Variants in VPS13B observed in about 807,000 individuals in gnomAD.
The protein encoded by VPS13B is vacuolar protein sorting 13 homolog B.
VPS13B carries 285 observed loss-of-function variants against 426.4 expected under a neutral mutation model. The observed-to-expected ratio is 0.67, with a 90% CI of 0.61 to 0.74. VPS13B has a LOEUF of 0.74. VPS13B is among the 30% of genes least tolerant of loss of function. The probability of loss-of-function intolerance (pLI) is 0.00; values close to 1 mark genes in which losing one functional copy is unlikely to be tolerated. For missense variants in VPS13B, 4,537 were observed against 4,782.6 expected, an observed-to-expected ratio of 0.95 and a Z score of 1.51; for synonymous variants, 1,676 against 1,676.4, an observed-to-expected ratio of 1.00 and a Z score of 0.01.
intron 54 of VPS13B, among the ~76,000 whole-genome samples, chr8:99,840,091 C>G (rs1197362126): frequency 6.6e-6 from 1 of 152,236 alleles, no homozygotes; most frequent in Non-Finnish European, 1.5e-5. Flanking sequence ...TGTGAACACT[C>G]TAGTGTGTTA....
chr8:99,473,980 G>A lies in VPS13B; in HGVS notation c.3666+6346G>A, dbSNP rs146905508. ...CCTGAAAACCATAAAGCGTTGCTGA[G>A]AAAACTTAACACCTGAAAGAAGTAA... is the stretch of plus-strand genomic sequence containing the variant. On this transcript the variant is annotated intron_variant, in intron 24 of 61. Coordinates refer to ENST00000357162, the MANE Select transcript of VPS13B (RefSeq NM_152564.5). Among the ~76,000 whole-genome samples the A allele has an allele frequency of 6.1e-3, 925 of 152,142 alleles. 13 individuals are homozygous for A. The highest frequency in any genetic ancestry group is 0.021 in the African/African-American group (880 of 41,502).
At chr8:99,341,227 C>A in intron 19 of VPS13B, 1 of 181,048 alleles carries the variant, frequency 5.5e-6, no homozygotes, top group Non-Finnish European at 1.2e-5. Flanking sequence ...TAGCAAAATG[C>A]TTCTCGTAGG....
chr8:99,585,927 T>A (rs1262520408), intron 33 of VPS13B, among the ~76,000 whole-genome samples: 2 of 152,204 alleles, frequency 1.3e-5, no homozygotes, highest in Non-Finnish European at 2.9e-5. Context: ...AATGAGAGAC[T>A]CTTAGAACTG....
At chr8:99,863,223 A>C (rs1412960675) in intron 58 of VPS13B, among the ~76,000 whole-genome samples, 2 of 152,152 alleles carry the variant, frequency 1.3e-5, no homozygotes, top group South Asian at 2.1e-4. Flanking sequence ...TATCATTATC[A>C]TAGTATGGTA....
intron 46 of VPS13B, 34 bp downstream of exon 46, chr8:99,818,568 T>C: frequency 6.2e-7 from 1 of 1,610,286 alleles, no homozygotes; most frequent in Non-Finnish European, 8.5e-7. Flanking sequence ...ATATGGTATA[T>C]GACTCTGACC....
intron 23 of VPS13B, among the ~76,000 whole-genome samples, chr8:99,466,980 A>G (rs938441314): frequency 1.3e-5 from 2 of 152,148 alleles, no homozygotes. Context: ...ACAAAGTACC[A>G]TAAACTGGGT....
chr8:99,092,120 G>C (rs1288704274), intron 3 of VPS13B: 1 of 152,186 alleles, frequency 6.6e-6, no homozygotes, highest in Admixed American at 6.5e-5. Flanking sequence ...AGGGAGAAAA[G>C]TGAGTAACAT....
chr8:99,443,338 A>G (rs1817765079), intron 23 of VPS13B, among the ~76,000 whole-genome samples: 1 of 152,260 alleles, frequency 6.6e-6, no homozygotes, highest in African/African-American at 2.4e-5. Flanking sequence ...GAATCCTGAT[A>G]TCACTGAAAT....
At position 99,038,422 on chromosome 8, in the gene VPS13B, G is replaced by A. The variant is rs1331072074; in HGVS notation, c.148-1G>A. On this transcript the variant is annotated splice_acceptor_variant, in intron 2 of 61. Transcript: ENST00000357162. LOFTEE classifies it high-confidence loss of function. Reference sequence around the variant, plus strand: ...TTTTATGTAATGTTTTGTGTTTTAAGGAACTGAAATTACCATTCACTTTTT... The same window carrying A: ...TTTTATGTAATGTTTTGTGTTTTAAAGAACTGAAATTACCATTCACTTTTT... The A allele has an allele frequency of 6.2e-7, 1 of 1,601,202 alleles. No individual in the cohort carries two copies. The highest frequency in any genetic ancestry group is 1.3e-5 in the African/African-American group (1 of 74,734).
At chr8:99,238,964 A>C (rs1164232151) in intron 17 of VPS13B, among the ~76,000 whole-genome samples, 2 of 152,142 alleles carry the variant, frequency 1.3e-5, no homozygotes, top group Non-Finnish European at 2.9e-5. Flanking sequence ...TATTTGGCTT[A>C]CCTGAATTAC....
chr8:99,707,551 C>T (rs1041767375), intron 36 of VPS13B, among the ~76,000 whole-genome samples: 1 of 152,176 alleles, frequency 6.6e-6, no homozygotes, highest in Admixed American at 6.5e-5. Context: ...AGGCACACTG[C>T]ATTTAGTATT....
intron 37 of VPS13B, among the ~76,000 whole-genome samples, chr8:99,718,302 T>A (rs932322881): frequency 7.9e-5 from 12 of 152,230 alleles, no homozygotes; most frequent in African/African-American, 2.4e-4. Flanking sequence ...GCTATAGATT[T>A]TTTTAATTAT....
At chr8:99,756,515 C>G (rs1323526198) in intron 39 of VPS13B, among the ~76,000 whole-genome samples, 1 of 152,108 alleles carries the variant, frequency 6.6e-6, no homozygotes, top group Middle Eastern at 3.2e-3. Context: ...TGAACTCTAC[C>G]TTAAATAAAC....
Position 99,853,421 on chromosome 8 carries a change from G to T in VPS13B, c.10062-30G>T, listed in dbSNP as rs200888438. ...GAGAGAAAGAAAAGGTGAGTGGGGG[G>T]ACTAATGTTCTTGTCCCTTTCTCCT... On this transcript the variant is annotated intron_variant, in intron 55 of 61. Transcript: ENST00000357162. 59 of 1,610,378 alleles carry T rather than the reference G, an allele frequency of 3.7e-5. No homozygotes were observed. The Admixed American group carries it at 8.7e-4, about 24-fold the overall frequency.
intron 23 of VPS13B, among the ~76,000 whole-genome samples, chr8:99,457,135 C>T (rs1017091585): frequency 5.3e-5 from 8 of 151,562 alleles, no homozygotes; most frequent in Non-Finnish European, 1.2e-4. Flanking sequence ...GGGTTCAAGC[C>T]ATTCTCCCGC....
intron 43 of VPS13B, among the ~76,000 whole-genome samples, chr8:99,790,810 C>T (rs1366947036): frequency 6.6e-6 from 1 of 152,134 alleles, no homozygotes; most frequent in Non-Finnish European, 1.5e-5. Flanking sequence ...AGAGGACCAA[C>T]ATGTGTGAAA....
intron 9 of VPS13B, 91 bp from the exon 10 acceptor site, chr8:99,134,924 T>A (rs1809995340): frequency 6.8e-7 from 1 of 1,462,918 alleles, no homozygotes; most frequent in African/African-American, 1.4e-5. Context: ...ATTCTAAAGA[T>A]GTTTAACTAA....
At chr8:99,846,400 C>G (rs1358963375) in intron 54 of VPS13B, among the ~76,000 whole-genome samples, 3 of 152,202 alleles carry the variant, frequency 2.0e-5, no homozygotes, top group Non-Finnish European at 2.9e-5. Context: ...TTTGTAGGCA[C>G]TCTTTAAGTG....
At chr8:99,167,609 A>G (rs965722993) in intron 15 of VPS13B, among the ~76,000 whole-genome samples, 5 of 152,106 alleles carry the variant, frequency 3.3e-5, no homozygotes, top group Non-Finnish European at 7.4e-5. Flanking sequence ...GTTGCCATAT[A>G]ATGTTTCTAA....
Sources: gnomAD v4.1 joint callset for allele counts (sites outside exome capture counted in the v4.1 genomes callset) on GRCh38, gnomAD v4.1.1 for gene constraint, MANE v1.5 for transcripts, NCBI Gene and HGNC (gene_info 2026-07-23, HGNC 2026-07-21) for gene names.